ICE1: variants seen among roughly 807,000 people sequenced by gnomAD.
The protein encoded by ICE1 is little elongation complex subunit 1.
ICE1 carries 64 observed loss-of-function variants against 192.7 expected under a neutral mutation model. The observed-to-expected ratio is 0.33, with a 90% confidence interval of 0.27 to 0.41. The LOEUF (loss-of-function observed/expected upper bound fraction) is 0.41. ICE1 is among the 10% of genes least tolerant of loss of function. The probability of loss-of-function intolerance (pLI) is 1.00; values close to 1 mark genes in which losing one functional copy is unlikely to be tolerated. For synonymous variants in ICE1, 1,010 were observed against 984.5 expected, an observed-to-expected ratio of 1.03 and a Z score of -0.49; for missense variants, 2,708 against 2,696.0, an observed-to-expected ratio of 1.00 and a Z score of -0.10.
At chr5:5,442,619 A>C (rs1738082954) in intron 5 of ICE1, among the ~76,000 whole-genome samples, 1 of 152,194 alleles carries the variant, frequency 6.6e-6, no homozygotes, top group African/African-American at 2.4e-5. Flanking sequence ...GTAAAAAAGG[A>C]ATAATGAAAC....
At position 5,447,418 on chromosome 5, in the gene ICE1, G is replaced by C. The variant is rs1398429032; in HGVS notation, c.425-9G>C. ...TTTTTCTCTCCCTATTGCTTCATTG[G>C]ACTTAAAGAGGCTGCTGTCAAGCAA... On this transcript the variant is annotated splice_polypyrimidine_tract_variant and intron_variant, in intron 7 of 18. Transcript: ENST00000296564. 1.9e-6 allele frequency: 3 copies of C among 1,542,626 alleles called. No individual in the cohort carries two copies. Among genetic ancestry groups the C allele is most frequent in the African/African-American group, 2.8e-5 (2 of 72,710 alleles).
At chr5:5,482,129 A>G (rs902766289) in intron 17 of ICE1, among the ~76,000 whole-genome samples, 1 of 152,242 alleles carries the variant, frequency 6.6e-6, no homozygotes, top group African/African-American at 2.4e-5. Context: ...AGTTTATTTA[A>G]AAAGAAGGAT....
Position 5,463,667 on chromosome 5 carries a change from C to G in ICE1, c.4333C>G (p.Pro1445Ala). The change falls in exon 13 of 19, where the codon CCT becomes GCT. Residue 1445 changes from proline (P) to alanine (A), a missense_variant. Around this residue, in one of 2 missense-constraint regions of ICE1, gnomAD observed 2,366 missense variants for 2,276.6 expected, o/e 1.04. Coordinates refer to ENST00000296564, the MANE Select transcript of ICE1 (RefSeq NM_015325.3). The stretch of plus-strand genomic sequence containing the variant: ...GGACCAGGTCACACTGTGTGACATT[C>G]CTGGAGACATCCCTATTTCTCAGGA... ...HVDQVTLCDIPGDIPISQDQG... is the reference protein window; with the variant it reads ...HVDQVTLCDIAGDIPISQDQG... 4 of 1,613,888 alleles carry G rather than the reference C, an allele frequency of 2.5e-6. No homozygotes were observed. The highest frequency in any genetic ancestry group is 2.5e-6 in the Non-Finnish European group (3 of 1,179,822).
Position 5,468,898 on chromosome 5 carries a change from G to C in ICE1, c.6132G>C (p.Ser2044=), listed in dbSNP as rs562358542. The C allele has an allele frequency of 9.3e-6, 15 of 1,606,000 alleles. No individual in the cohort carries two copies. The Admixed American group carries it at 1.4e-4, about 15-fold the overall frequency. The change falls in exon 15 of 19, where the codon TCG becomes TCC. Residue 2044 remains serine, a synonymous_variant. Transcript: ENST00000296564. ...NMWHDIFLSQ[S]VINKAMQLVA... Reference sequence around the variant, plus strand: ...GGCATGATATATTTCTCTCTCAATCGGTGATTAATAAAGCAATGCAGTTAG... The same window carrying C: ...GGCATGATATATTTCTCTCTCAATCCGTGATTAATAAAGCAATGCAGTTAG...
intron 17 of ICE1, among the ~76,000 whole-genome samples, chr5:5,481,373 T>C (rs1299627925): frequency 6.6e-6 from 1 of 152,184 alleles, no homozygotes; most frequent in Non-Finnish European, 1.5e-5. Context: ...TTTTTTGTGG[T>C]CAGCAGCCTT....
In ICE1 at chr5:5,462,757, C is replaced by G; in HGVS notation, c.3423C>G (p.Ala1141=). 2 of 1,613,672 alleles carry G rather than the reference C, an allele frequency of 1.2e-6. No individual in the cohort carries two copies. Among genetic ancestry groups the G allele is most frequent in the South Asian group, 1.1e-5 (1 of 91,052 alleles). The change falls in exon 13 of 19, where the codon GCC becomes GCG. Residue 1141 remains alanine (A), a synonymous_variant. Transcript: ENST00000296564. ...TAGGAGACACAGATGCTGCTGTAGC[C>G]GAGGTGAGACCTTCCTTAGAGGTAG... ...KNLGDTDAAV[A]EVRPSLEVGY... is the part of the protein sequence containing the mutation.
chr5:5,486,077 T>C (rs1003957904), intron 17 of ICE1, among the ~76,000 whole-genome samples: 3 of 152,204 alleles, frequency 2.0e-5, no homozygotes, highest in Admixed American at 6.5e-5. Context: ...ACTCAGTGTA[T>C]GGGGGAGTGC....
intron 11 of ICE1, 63 bp from the exon 12 acceptor site, chr5:5,457,269 T>C: frequency 1.4e-6 from 2 of 1,422,400 alleles, no homozygotes. Flanking sequence ...TTTCTTTCTT[T>C]TTTTTTTTTA....
intron 16 of ICE1, among the ~76,000 whole-genome samples, chr5:5,474,139 GGCAGAGCTTGCAGTGA>G (rs1739245376): frequency 1.3e-5 from 2 of 151,800 alleles, no homozygotes; most frequent in South Asian, 4.1e-4. Flanking sequence ...GAGCCCGGGA[GGCAGAGCTTGCAGTGA>G]GCGGAGATTG....
chr5:5,447,675 G>A (rs1561080533), intron 8 of ICE1, 46 bp from the exon 9 acceptor site: 4 of 1,514,320 alleles, frequency 2.6e-6, no homozygotes, highest in Non-Finnish European at 2.7e-6. Context: ...TAGAATGGCT[G>A]CACTTCTTAT....
In ICE1 at chr5:5,464,656, A is replaced by G. The variant is rs372667999; in HGVS notation, c.5322A>G (p.Gln1774=). The G allele has an allele frequency of 1.9e-4, 299 of 1,613,654 alleles. No individual in the cohort carries two copies. In the African/African-American group the frequency reaches 3.3e-3, roughly 18 times the overall value. The change falls in exon 13 of 19, where the codon CAA becomes CAG. Residue 1774 remains glutamine (Q), a synonymous_variant. Transcript: ENST00000296564. This position sits in a 1 kb window ranked among gnomAD's most constrained non-coding sequence, Gnocchi z 4.0. ...RTLNILKGNI[Q]LTRGPPADCK... Reference sequence around the variant, plus strand: ...TCAACATCCTCAAAGGGAATATTCAACTCACACGAGGTCCGCCTGCTGACT... The same window carrying G: ...TCAACATCCTCAAAGGGAATATTCAGCTCACACGAGGTCCGCCTGCTGACT...
intron 1 of ICE1, among the ~76,000 whole-genome samples, chr5:5,425,791 A>G (rs1005727397): frequency 1.3e-5 from 2 of 152,190 alleles, no homozygotes; most frequent in South Asian, 2.1e-4. Flanking sequence ...GCAACTAGGT[A>G]TGGTAAATTA....
intron 1 of ICE1, among the ~76,000 whole-genome samples, chr5:5,431,923 C>A (rs1037994353): frequency 3.3e-5 from 5 of 151,462 alleles, no homozygotes; most frequent in African/African-American, 9.7e-5. Context: ...TGTGTTGATA[C>A]CCTATTTGTT....
At chr5:5,466,308 C>T (rs1171584489) in intron 13 of ICE1, 26 bp from the exon 14 acceptor site, 1 of 1,573,748 alleles carries the variant, frequency 6.4e-7, no homozygotes, top group African/African-American at 1.4e-5. Context: ...GTGTACATTG[C>T]CTTTTTAATT....
chr5:5,487,960 G>C (rs996869307), intron 18 of ICE1, among the ~76,000 whole-genome samples: 2 of 152,202 alleles, frequency 1.3e-5, no homozygotes, highest in African/African-American at 4.8e-5. Context: ...TGAAGGTGAG[G>C]CTAGGAAGTG....
At chr5:5,480,536 C>T (rs1400116506) in intron 17 of ICE1, among the ~76,000 whole-genome samples, 1 of 152,094 alleles carries the variant, frequency 6.6e-6, no homozygotes, top group Non-Finnish European at 1.5e-5. Flanking sequence ...GTGGAGCCAC[C>T]GCGCCCAGCC....
intron 3 of ICE1, among the ~76,000 whole-genome samples, chr5:5,438,369 A>G (rs1056401565): frequency 3.3e-5 from 5 of 152,188 alleles, no homozygotes; most frequent in African/African-American, 1.2e-4. Flanking sequence ...CATCATTTCT[A>G]ATTTCTGTGA....
Position 5,462,979 on chromosome 5 carries a change from A to G in ICE1, c.3645A>G (p.Ile1215Met), listed in dbSNP as rs762694872. 7 of 1,613,352 alleles carry G rather than the reference A, an allele frequency of 4.3e-6. No homozygotes were observed. In the South Asian group the frequency reaches 7.7e-5, roughly 18 times the overall value. Residue 1215 changes from isoleucine (I) to methionine (M), a missense_variant, in exon 13 of 19, where the codon ATA (isoleucine) becomes ATG (methionine). Physicochemically the swap from Ile to Met is conservative, Grantham distance 10 (BLOSUM62 1). This residue lies in a region of ICE1 where 2,366 missense variants were observed against 2,276.6 expected (regional missense o/e 1.04). Transcript: ENST00000296564. ...ACAAAGAATTAAAGGCAAGTGAAAT[A>G]GGAGAAAAATACAGAAAGCAACCCT... ...EMNKELKASE[I>M]GEKYRKQPCE...
rs539984401 is a variant in ICE1, at chr5:5,464,761, T to C, written c.5427T>C (p.Thr1809=). ...ITSAATAFVK[T]GSSSGGDCNQ... ...CAGCAGCAACTGCTTTTGTCAAAACTGGGAGCAGCTCTGGTGGTGACTGTA... is the reference window on the plus strand; with the variant it reads ...CAGCAGCAACTGCTTTTGTCAAAACCGGGAGCAGCTCTGGTGGTGACTGTA... Residue 1809 remains threonine (T), a synonymous_variant, in exon 13 of 19, where the codon ACT becomes ACC. Transcript: ENST00000296564. This position sits in a 1 kb window ranked among gnomAD's most constrained non-coding sequence, Gnocchi z 4.0. The C allele has an allele frequency of 1.9e-6, 3 of 1,613,764 alleles. No individual in the cohort carries two copies. In the African/African-American group the frequency reaches 4.0e-5, roughly 22 times the overall value.
Sources: gnomAD v4.1 joint callset for allele counts (sites outside exome capture counted in the v4.1 genomes callset) on GRCh38, gnomAD v4.1.1 for gene constraint, gnomAD v4.1.1 regional missense constraint, Gnocchi (gnomAD v3.1) non-coding constraint, MANE v1.5 for transcripts, NCBI Gene and HGNC (gene_info 2026-07-23, HGNC 2026-07-21) for gene names.